Variants in LDLRAD3 observed in about 807,000 individuals in gnomAD.
LDLRAD3 encodes the protein low-density lipoprotein receptor class A domain-containing protein 3.
LDLRAD3 carries 20 observed loss-of-function variants against 29.4 expected under a neutral mutation model. That is an observed-to-expected ratio of 0.68 (90% CI 0.48 to 0.99). The LOEUF (loss-of-function observed/expected upper bound fraction) is 0.99. Ranked by LOEUF, LDLRAD3 falls within the 50% of genes least tolerant of loss-of-function variation. LDLRAD3 has a pLI of 0.00. For synonymous variants in LDLRAD3, 157 were observed against 192.7 expected, an observed-to-expected ratio of 0.81 and a Z score of 1.53; for missense variants, 420 against 454.3, an observed-to-expected ratio of 0.92 and a Z score of 0.69.
chr11:36,181,717 C>T (rs1286517960), intron 4 of LDLRAD3, among the ~76,000 whole-genome samples: 2 of 152,206 alleles, frequency 1.3e-5, no homozygotes, highest in African/African-American at 4.8e-5. Context: ...CTAATTACAG[C>T]TTTCCTTCTC....
chr11:35,972,103 C>G (rs891143781), intron 1 of LDLRAD3, among the ~76,000 whole-genome samples: 6 of 152,038 alleles, frequency 3.9e-5, no homozygotes, highest in Non-Finnish European at 5.9e-5. Flanking sequence ...GTACTGGCAT[C>G]TAGATGACCA....
chr11:36,183,963 CTTTTTT>C, intron 4 of LDLRAD3: 26 of 220,520 alleles, frequency 1.2e-4, no homozygotes, highest in Admixed American at 1.8e-4. Context: ...TATATTTCAT[CTTTTTT>C]TTTTTTTTTT....
intron 4 of LDLRAD3, among the ~76,000 whole-genome samples, chr11:36,217,710 A>G (rs995687442): frequency 1.3e-4 from 20 of 152,274 alleles, no homozygotes; most frequent in Admixed American, 7.2e-4. Context: ...TTCTTTCTGG[A>G]GGCTCTGAGG....
At chr11:36,159,011 C>T (rs1230570225) in intron 4 of LDLRAD3, among the ~76,000 whole-genome samples, 4 of 152,104 alleles carry the variant, frequency 2.6e-5, no homozygotes, top group Non-Finnish European at 5.9e-5. Context: ...TGCAAGAGAA[C>T]ACCAGTTTTT....
intron 3 of LDLRAD3, among the ~76,000 whole-genome samples, chr11:36,084,618 AT>A (rs1010271680): frequency 1.3e-5 from 2 of 152,214 alleles, no homozygotes; most frequent in African/African-American, 4.8e-5. Flanking sequence ...TTAAAAGGTT[AT>A]TTTTTATTGA....
At chr11:36,087,046 G>A (rs940218360) in intron 3 of LDLRAD3, among the ~76,000 whole-genome samples, 1 of 152,092 alleles carries the variant, frequency 6.6e-6, no homozygotes, top group African/African-American at 2.4e-5. Context: ...AGGGACAGGG[G>A]AATATGTTAA....
intron 2 of LDLRAD3, among the ~76,000 whole-genome samples, chr11:36,049,998 C>T (rs1169297553): frequency 2.0e-5 from 3 of 152,226 alleles, no homozygotes; most frequent in African/African-American, 7.2e-5. Context: ...AGCAATAAAG[C>T]CTGTGATGTT....
At chr11:35,948,764 A>G (rs996280169) in intron 1 of LDLRAD3, among the ~76,000 whole-genome samples, 1 of 152,074 alleles carries the variant, frequency 6.6e-6, no homozygotes, top group Non-Finnish European at 1.5e-5. Context: ...AGTCTCGGGC[A>G]GGGTTTCTCA....
At chr11:36,148,374 T>G (rs895160712) in intron 4 of LDLRAD3, among the ~76,000 whole-genome samples, 8 of 152,046 alleles carry the variant, frequency 5.3e-5, no homozygotes, top group Non-Finnish European at 1.2e-4. Context: ...CTCGATACAC[T>G]CAGGGTGTAT....
chr11:36,062,674 A>C (rs1230373340), intron 2 of LDLRAD3, among the ~76,000 whole-genome samples: 2 of 152,152 alleles, frequency 1.3e-5, no homozygotes, highest in African/African-American at 2.4e-5. Flanking sequence ...ACAGTGAGTG[A>C]GTTCTCATGA....
At chr11:35,972,072 G>A (rs1293436273) in intron 1 of LDLRAD3, among the ~76,000 whole-genome samples, 1 of 152,124 alleles carries the variant, frequency 6.6e-6, no homozygotes, top group Non-Finnish European at 1.5e-5. Flanking sequence ...AGAGATCTGG[G>A]CAGGGATGGG....
chr11:36,128,117 C>CATATATATATATATATATATATAT lies in LDLRAD3; in HGVS notation c.454+29674_454+29675insATATATATATATATATATATATAT, dbSNP rs57687795. Among the ~76,000 whole-genome samples, 819 of 98,586 alleles carry CATATATATATATATATATATATAT rather than the reference C, an allele frequency of 8.3e-3. 47 individuals are homozygous for CATATATATATATATATATATATAT. The highest frequency in any genetic ancestry group is 0.012 in the South Asian group (31 of 2,690). 64.7% of individuals were successfully genotyped at this position (98,586 alleles called of 152,430 possible). A position where few individuals can be genotyped will look rare whatever the true frequency, so the allele number is the denominator to read the frequency against. On this transcript the variant is annotated intron_variant, in intron 4 of 5. Coordinates refer to ENST00000315571, the MANE Select transcript of LDLRAD3 (RefSeq NM_174902.4). The stretch of plus-strand genomic sequence containing the variant: ...CGTATTGATGGCAGAGTTGTTTTTA[C>CATATATATATATATATATATATAT]ATATATATATATATATATGTATATG...
intron 4 of LDLRAD3, among the ~76,000 whole-genome samples, chr11:36,169,688 T>C (rs1245490313): frequency 2.6e-5 from 4 of 152,226 alleles, no homozygotes; most frequent in Non-Finnish European, 5.9e-5. Context: ...CACATTTTCT[T>C]TATCTATTCA....
chr11:36,196,927 G>A (rs1855042064), intron 4 of LDLRAD3: 1 of 152,126 alleles, frequency 6.6e-6, no homozygotes, highest in African/African-American at 2.4e-5. Flanking sequence ...GTGAGCTTGG[G>A]AAGGTTTCAA....
chr11:35,972,514 G>A (rs1210410481), intron 1 of LDLRAD3: 1 of 152,020 alleles, frequency 6.6e-6, no homozygotes, highest in Admixed American at 6.5e-5. Flanking sequence ...ACAGTTTACT[G>A]GTTACCCATT....
At chr11:36,087,300 G>A (rs1022839686) in intron 3 of LDLRAD3, among the ~76,000 whole-genome samples, 3 of 152,036 alleles carry the variant, frequency 2.0e-5, no homozygotes, top group East Asian at 3.8e-4. Flanking sequence ...TTGATATTAA[G>A]GCATTATTAT....
chr11:35,962,466 AG>A, intron 1 of LDLRAD3, among the ~76,000 whole-genome samples: 1 of 152,262 alleles, frequency 6.6e-6, no homozygotes, highest in East Asian at 1.9e-4. Flanking sequence ...GGCCGTCATC[AG>A]GACTAAGTGG....
intron 1 of LDLRAD3, among the ~76,000 whole-genome samples, chr11:35,989,310 C>T (rs1474858864): frequency 6.6e-6 from 1 of 152,262 alleles, no homozygotes; most frequent in Non-Finnish European, 1.5e-5. Flanking sequence ...TAATGTGATG[C>T]CTGCACCTTT....
chr11:35,946,873 G>C (rs145710096), intron 1 of LDLRAD3, among the ~76,000 whole-genome samples: 1 of 152,118 alleles, frequency 6.6e-6, no homozygotes, highest in African/African-American at 2.4e-5. Context: ...AGCTCAGCTC[G>C]GGAAGATGAG....
Sources: gnomAD v4.1 joint callset for allele counts (sites outside exome capture counted in the v4.1 genomes callset) on GRCh38, gnomAD v4.1.1 for gene constraint, MANE v1.5 for transcripts, NCBI Gene and HGNC (gene_info 2026-07-23, HGNC 2026-07-21) for gene names.